Variants in ESCO1 observed in about 807,000 individuals in gnomAD.
ESCO1 encodes establishment of sister chromatid cohesion N-acetyltransferase 1, also known as N-acetyltransferase ESCO1.
Under a neutral mutation model 83.5 loss-of-function variants are expected in ESCO1, and 33 were observed. The ratio of observed to expected loss-of-function variants is 0.40; its 90% confidence interval spans 0.30 to 0.53. The LOEUF (loss-of-function observed/expected upper bound fraction) is 0.53, where lower values mean the gene tolerates loss of function less well. Ranked by LOEUF, ESCO1 falls within the 20% of genes least tolerant of loss-of-function variation. The pLI is 0.63. For synonymous variants in ESCO1, 332 were observed against 324.3 expected, an observed-to-expected ratio of 1.02 and a Z score of -0.25; for missense variants, 855 against 968.0, an observed-to-expected ratio of 0.88 and a Z score of 1.55.
At chr18:21,560,795 T>C in intron 8 of ESCO1, 64 bp downstream of exon 8, 1 of 1,564,616 alleles carries the variant, frequency 6.4e-7, no homozygotes, top group Non-Finnish European at 8.6e-7. Flanking sequence ...TGGCAACTCA[T>C]CTCATTAAGA....
intron 8 of ESCO1, among the ~76,000 whole-genome samples, chr18:21,541,463 C>T (rs186207090): frequency 6.6e-5 from 10 of 151,738 alleles, no homozygotes; most frequent in Non-Finnish European, 1.0e-4. Context: ...TGTGGTGGCA[C>T]GCGCCTGTAG....
intron 8 of ESCO1, among the ~76,000 whole-genome samples, chr18:21,551,796 A>T (rs1282938402): frequency 6.6e-6 from 1 of 152,182 alleles, no homozygotes; most frequent in Non-Finnish European, 1.5e-5. Flanking sequence ...AGCTGGAGAG[A>T]GACACCTAAT....
At chr18:21,581,101 G>T (rs1470925668) in intron 2 of ESCO1, among the ~76,000 whole-genome samples, 1 of 152,106 alleles carries the variant, frequency 6.6e-6, no homozygotes, top group Non-Finnish European at 1.5e-5. Context: ...CACGAGGTCA[G>T]GAGATAAGAG....
At chr18:21,590,829 T>C (rs1169176824) in intron 1 of ESCO1, among the ~76,000 whole-genome samples, 6 of 151,424 alleles carry the variant, frequency 4.0e-5, no homozygotes, top group African/African-American at 1.5e-4. Flanking sequence ...GTGCCTATAG[T>C]CCCAGCTACT....
intron 1 of ESCO1, among the ~76,000 whole-genome samples, chr18:21,592,710 C>T (rs1207697251): frequency 6.7e-6 from 1 of 149,360 alleles, no homozygotes; most frequent in African/African-American, 2.5e-5. Context: ...CCTCACTTCC[C>T]AGACGGGGTG....
rs1453682018 is a variant in ESCO1 at position 21,574,667 on chromosome 18, C to T, written c.177G>A (p.Gln59=). 6.2e-7 allele frequency: 1 copy of T among 1,613,700 alleles called. No homozygotes were observed. Among genetic ancestry groups the T allele is most frequent in the Admixed American group, 1.7e-5 (1 of 59,984 alleles). ...TACTCATGCGTGTTTCCAATTCTGG[C>T]TGATTTATTTTACTTTCACTGGAAG... The part of the protein sequence containing the change: ...AKSSSESKIN[Q]PELETRMSTR... The change falls in exon 4 of 12, where the codon CAG becomes CAA. Residue 59 remains glutamine (Q), a synonymous_variant. Coordinates refer to ENST00000269214, the MANE Select transcript of ESCO1 (RefSeq NM_052911.3).
chr18:21,594,299 T>C (rs149895576), intron 1 of ESCO1, among the ~76,000 whole-genome samples: 2 of 152,350 alleles, frequency 1.3e-5, no homozygotes, highest in Non-Finnish European at 2.9e-5. Flanking sequence ...CTGAAATATA[T>C]TCAGGTTTCT....
chr18:21,561,118 A>ATTTTTAGTAATTAAC, intron 7 of ESCO1, 128 bp from the exon 8 acceptor site: 2 of 858,320 alleles, frequency 2.3e-6, no homozygotes, highest in Non-Finnish European at 3.2e-6. Flanking sequence ...ATTCAATGTT[A>ATTTTTAGTAATTAAC]ATTACTAAAA....
At position 21,574,259 on chromosome 18, in the gene ESCO1, A is replaced by G. The variant is rs756657486; in HGVS notation, c.585T>C (p.Asn195=). 2.5e-6 allele frequency: 4 copies of G among 1,613,772 alleles called. No individual in the cohort carries two copies. The South Asian group carries it at 3.3e-5, about 13-fold the overall frequency. Residue 195 remains asparagine (N), a synonymous_variant, in exon 4 of 12, where the codon AAT becomes AAC. Transcript: ENST00000269214. ...DSKEDENLVI[N]EVINSPKGKK... is the part of the protein sequence containing the mutation. ...TCCCTTTGGGAGAATTTATTACTTCATTAATTACTAGATTTTCATCTTCTT... is the reference window on the plus strand; with the variant it reads ...TCCCTTTGGGAGAATTTATTACTTCGTTAATTACTAGATTTTCATCTTCTT...
intron 8 of ESCO1, among the ~76,000 whole-genome samples, chr18:21,543,930 T>C (rs915879578): frequency 1.3e-5 from 2 of 152,188 alleles, no homozygotes; most frequent in Non-Finnish European, 2.9e-5. Context: ...AATTAATTCA[T>C]TTATTGAAGG....
At chr18:21,540,837 T>A in intron 8 of ESCO1, 1 of 681,328 alleles carries the variant, frequency 1.5e-6, no homozygotes, top group Non-Finnish European at 1.8e-6. Context: ...CCAGTTGTCT[T>A]AACCCAACCA....
chr18:21,563,010 T>C (rs1294202164), intron 7 of ESCO1, among the ~76,000 whole-genome samples: 1 of 151,666 alleles, frequency 6.6e-6, no homozygotes, highest in South Asian at 2.1e-4. Flanking sequence ...CAGCTGGGAT[T>C]ATAGGAACGA....
chr18:21,588,010 G>A lies in ESCO1; in HGVS notation c.-824-3570C>T, dbSNP rs564877091. ...AGGCTCATGTGAGAGGATCACTTGA[G>A]TCCAGAAGTTTGAGCCTAGACTGTG... On this transcript the variant is annotated intron_variant, in intron 1 of 11. Coordinates refer to ENST00000269214, the MANE Select transcript of ESCO1 (RefSeq NM_052911.3). 2.4e-4 allele frequency among the ~76,000 whole-genome samples: 36 copies of A among 151,462 alleles called. 2 individuals carry two copies. In the South Asian group the frequency reaches 7.3e-3, roughly 31 times the overall value.
chr18:21,540,719 CA>C lies in ESCO1; in HGVS notation c.1954-711del, dbSNP rs773893196. ...GCAGAACCTGCATAAAAAAACAAAA[CA>C]AAACAAAAGCCACTTAAATCTAGTA... On this transcript the variant is annotated intron_variant, in intron 8 of 11. Coordinates refer to ENST00000269214, the MANE Select transcript of ESCO1 (RefSeq NM_052911.3). The C allele has an allele frequency of 1.0e-5, 13 of 1,261,672 alleles. No homozygotes were observed. The African/African-American group carries it at 2.1e-4, about 20-fold the overall frequency. The allele number at this position is 1,261,672 out of a possible 1,614,324, so 78.2% of individuals were successfully genotyped here.
chr18:21,576,676 A>T (rs753723678), intron 2 of ESCO1, among the ~76,000 whole-genome samples: 2 of 152,214 alleles, frequency 1.3e-5, no homozygotes, highest in African/African-American at 2.4e-5. Flanking sequence ...AAAGCTGAGA[A>T]GATCTATTTA....
intron 5 of ESCO1, among the ~76,000 whole-genome samples, chr18:21,566,851 C>A (rs1321684057): frequency 3.4e-5 from 5 of 147,994 alleles, no homozygotes; most frequent in African/African-American, 1.3e-4. Flanking sequence ...CAGAGCAAGG[C>A]TCTGCCTCAA....
chr18:21,552,889 A>G (rs1362013136), intron 8 of ESCO1, among the ~76,000 whole-genome samples: 1 of 152,250 alleles, frequency 6.6e-6, no homozygotes, highest in Non-Finnish European at 1.5e-5. Flanking sequence ...GAAAAACTAG[A>G]TGACCTTGGG....
chr18:21,568,770 G>A (rs912385551), intron 4 of ESCO1, among the ~76,000 whole-genome samples: 1 of 152,010 alleles, frequency 6.6e-6, no homozygotes, highest in African/African-American at 2.4e-5. Context: ...GGGCGTGATG[G>A]CAAGCACCTG....
chr18:21,595,307 T>C (rs191800083), intron 1 of ESCO1, among the ~76,000 whole-genome samples: 4 of 139,316 alleles, frequency 2.9e-5, no homozygotes, highest in African/African-American at 1.1e-4. Flanking sequence ...CCGGGCATGG[T>C]GAGCCGAGAT....
Sources: allele counts gnomAD v4.1 joint callset (sites outside exome capture counted in the v4.1 genomes callset), GRCh38; gene constraint gnomAD v4.1.1; transcripts MANE v1.5; gene names NCBI Gene and HGNC (gene_info 2026-07-23, HGNC 2026-07-21).